Variants in INPP4B observed in about 807,000 individuals in gnomAD.
The protein encoded by INPP4B is inositol polyphosphate-4-phosphatase type II B.
Under a neutral mutation model 122.5 loss-of-function variants are expected in INPP4B, and 55 were observed. That is an observed-to-expected ratio of 0.45 (90% CI 0.36 to 0.56). The LOEUF is 0.56. Among genes scored for constraint, INPP4B ranks in the 20% least tolerant of loss-of-function variants. INPP4B has a pLI of 0.00. For missense variants in INPP4B, 1,000 were observed against 1,097.7 expected (o/e 0.91, Z 1.26); for synonymous variants, 403 against 388.7 (o/e 1.04, Z -0.43).
intron 1 of INPP4B, among the ~76,000 whole-genome samples, chr4:142,786,317 CAAGTT>C (rs1775757264): frequency 6.6e-6 from 1 of 152,012 alleles, no homozygotes. Flanking sequence ...GCAGAGGAGA[CAAGTT>C]AAAGAGCTCC....
intron 25 of INPP4B, among the ~76,000 whole-genome samples, chr4:142,071,736 A>G (rs1767492838): frequency 6.6e-6 from 1 of 152,228 alleles, no homozygotes; most frequent in Admixed American, 6.5e-5. Flanking sequence ...CATGAAAAAA[A>G]TGCTTATCAT....
chr4:142,208,586 G>T, intron 13 of INPP4B, 57 bp from the exon 14 acceptor site: 1 of 896,698 alleles, frequency 1.1e-6, no homozygotes, highest in Non-Finnish European at 1.7e-6. Context: ...TAATATGTGT[G>T]TTAAAAGATA....
At chr4:142,562,759 C>A (rs962199738) in intron 2 of INPP4B, among the ~76,000 whole-genome samples, 1 of 151,930 alleles carries the variant, frequency 6.6e-6, no homozygotes, top group Non-Finnish European at 1.5e-5. Context: ...AAAATAAAGT[C>A]CCTAGGGTAG....
chr4:142,385,370 C>CG (rs776831174), intron 7 of INPP4B, among the ~76,000 whole-genome samples: 80 of 140,562 alleles, frequency 5.7e-4, no homozygotes, highest in Non-Finnish European at 1.0e-3. Flanking sequence ...GATACTGAAC[C>CG]TTAAAAAAAA....
At chr4:142,307,033 C>T (rs1412309496) in intron 8 of INPP4B, among the ~76,000 whole-genome samples, 1 of 152,066 alleles carries the variant, frequency 6.6e-6, no homozygotes, top group African/African-American at 2.4e-5. Context: ...AAATCTGAGA[C>T]CAAATTATTA....
At chr4:142,257,080 T>C (rs1371360442) in intron 11 of INPP4B, among the ~76,000 whole-genome samples, 1 of 152,102 alleles carries the variant, frequency 6.6e-6, no homozygotes, top group African/African-American at 2.4e-5. Flanking sequence ...TAATCCAGCA[T>C]ATAAACAGAA....
chr4:142,392,888 A>G (rs1404750059), intron 7 of INPP4B, among the ~76,000 whole-genome samples: 1 of 152,202 alleles, frequency 6.6e-6, no homozygotes, highest in Non-Finnish European at 1.5e-5. Context: ...CAGACTCTTT[A>G]TCTACATCAT....
intron 17 of INPP4B, among the ~76,000 whole-genome samples, chr4:142,146,964 T>A (rs1235167155): frequency 6.6e-6 from 1 of 152,218 alleles, no homozygotes; most frequent in Non-Finnish European, 1.5e-5. Context: ...AAAATTGCTA[T>A]TAATTGTTTA....
At chr4:142,388,312 C>T (rs1218606257) in intron 7 of INPP4B, among the ~76,000 whole-genome samples, 7 of 152,034 alleles carry the variant, frequency 4.6e-5, no homozygotes, top group African/African-American at 1.7e-4. Flanking sequence ...TTAGAAGTGG[C>T]TATCCAAGTG....
intron 7 of INPP4B, among the ~76,000 whole-genome samples, chr4:142,348,937 CA>C (rs1256614032): frequency 6.6e-6 from 1 of 152,024 alleles, no homozygotes; most frequent in Non-Finnish European, 1.5e-5. Context: ...CTGGTATTTA[CA>C]GCTCAGCCTT....
At chr4:142,311,895 G>A (rs1257719093) in intron 8 of INPP4B, among the ~76,000 whole-genome samples, 1 of 152,138 alleles carries the variant, frequency 6.6e-6, no homozygotes, top group African/African-American at 2.4e-5. Flanking sequence ...AATTCTCTAA[G>A]AAAGAAGGAC....
intron 12 of INPP4B, among the ~76,000 whole-genome samples, chr4:142,215,433 C>G (rs1227886969): frequency 1.3e-5 from 2 of 152,180 alleles, no homozygotes; most frequent in Non-Finnish European, 2.9e-5. Context: ...GCTTTAAAAA[C>G]TAAACCTGAA....
intron 15 of INPP4B, among the ~76,000 whole-genome samples, chr4:142,187,567 A>G (rs1833713156): frequency 1.3e-5 from 2 of 152,018 alleles, no homozygotes; most frequent in South Asian, 4.2e-4. Context: ...TACCATATAT[A>G]TATACACACA....
At chr4:142,358,676 C>T (rs943311214) in intron 7 of INPP4B, among the ~76,000 whole-genome samples, 5 of 150,778 alleles carry the variant, frequency 3.3e-5, no homozygotes, top group Admixed American at 6.6e-5. Flanking sequence ...AAAAAACTCC[C>T]AGGTGATTCC....
chr4:142,120,893 T>C (rs1226156106), intron 21 of INPP4B, among the ~76,000 whole-genome samples: 1 of 152,138 alleles, frequency 6.6e-6, no homozygotes, highest in Non-Finnish European at 1.5e-5. Context: ...CCAGTTGTAA[T>C]ATTCCTTTTG....
intron 11 of INPP4B, among the ~76,000 whole-genome samples, chr4:142,257,768 C>A (rs1737140018): frequency 6.6e-6 from 1 of 152,080 alleles, no homozygotes; most frequent in Admixed American, 6.5e-5. Flanking sequence ...GTGAAAATGG[C>A]CATACTGCCC....
chr4:142,678,820 A>G (rs983434545), intron 2 of INPP4B, among the ~76,000 whole-genome samples: 7 of 151,840 alleles, frequency 4.6e-5, no homozygotes, highest in Non-Finnish European at 7.4e-5. Context: ...TGTCTCATCT[A>G]CTCAAACATT....
At chr4:142,253,265 C>G (rs1360547724) in intron 11 of INPP4B, among the ~76,000 whole-genome samples, 1 of 152,186 alleles carries the variant, frequency 6.6e-6, no homozygotes, top group Non-Finnish European at 1.5e-5. Context: ...TTACCACATA[C>G]TACCGTAGAC....
intron 7 of INPP4B, among the ~76,000 whole-genome samples, chr4:142,333,196 C>G (rs1028014059): frequency 6.6e-6 from 1 of 152,116 alleles, no homozygotes; most frequent in African/African-American, 2.4e-5. Flanking sequence ...ATGCTTTGTT[C>G]TCTCTTTTCC....
Sources: allele counts gnomAD v4.1 joint callset (sites outside exome capture counted in the v4.1 genomes callset), GRCh38; gene constraint gnomAD v4.1.1; transcripts MANE v1.5; gene names NCBI Gene and HGNC (gene_info 2026-07-23, HGNC 2026-07-21).